Variants in OXR1 observed in about 807,000 individuals in gnomAD.
The protein encoded by OXR1 is oxidation resistance protein 1.
Under a neutral mutation model 104.6 loss-of-function variants are expected in OXR1, and 41 were observed. The ratio of observed to expected loss-of-function variants is 0.39; its 90% CI spans 0.31 to 0.51. OXR1 has a LOEUF of 0.51. Ranked by LOEUF, OXR1 falls within the 20% of genes least tolerant of loss-of-function variation. The pLI is 0.77. For synonymous variants in OXR1, 348 were observed against 348.4 expected (o/e 1.00, Z 0.01); for missense variants, 955 against 1,031.9 (o/e 0.93, Z 1.02).
At chr8:106,691,472 A>G (rs1372637573) in intron 6 of OXR1, among the ~76,000 whole-genome samples, 1 of 151,920 alleles carries the variant, frequency 6.6e-6, no homozygotes, top group Admixed American at 6.6e-5. Flanking sequence ...TGCTAATCTC[A>G]TATTCTTTTT....
chr8:106,494,090 A>G (rs1811269926), intron 2 of OXR1, among the ~76,000 whole-genome samples: 1 of 152,236 alleles, frequency 6.6e-6, no homozygotes, highest in East Asian at 1.9e-4. Flanking sequence ...TTATTACTAA[A>G]CCCATTTTAC....
chr8:106,467,239 A>G (rs992703691), intron 2 of OXR1, among the ~76,000 whole-genome samples: 8 of 151,930 alleles, frequency 5.3e-5, no homozygotes, highest in Admixed American at 3.3e-4. Context: ...AGCAAACAAC[A>G]AGCAATTATT....
At chr8:106,320,328 A>C (rs1373017835) in intron 1 of OXR1, among the ~76,000 whole-genome samples, 1 of 152,112 alleles carries the variant, frequency 6.6e-6, no homozygotes, top group Non-Finnish European at 1.5e-5. Context: ...CTTGTCGTAG[A>C]CTTAGGTTTC....
At chr8:106,325,535 G>A (rs546299167) in intron 1 of OXR1, among the ~76,000 whole-genome samples, 35 of 152,224 alleles carry the variant, frequency 2.3e-4, no homozygotes, top group African/African-American at 8.4e-4. Flanking sequence ...TATGACCTAG[G>A]GTTGCTGTGA....
chr8:106,371,474 A>T, intron 2 of OXR1, among the ~76,000 whole-genome samples: 1 of 151,656 alleles, frequency 6.6e-6, no homozygotes, highest in Non-Finnish European at 1.5e-5. Context: ...TAGCTCTTTG[A>T]ATTGTGATGT....
At chr8:106,399,812 G>A (rs996100901) in intron 2 of OXR1, among the ~76,000 whole-genome samples, 1 of 152,150 alleles carries the variant, frequency 6.6e-6, no homozygotes, top group East Asian at 1.9e-4. Flanking sequence ...GTAAAGTCAG[G>A]TTTGAACTCA....
chr8:106,523,388 A>G (rs1813400685), intron 3 of OXR1, among the ~76,000 whole-genome samples: 1 of 152,158 alleles, frequency 6.6e-6, no homozygotes, highest in Non-Finnish European at 1.5e-5. Flanking sequence ...CTTGGTGACC[A>G]TTTTAGAATT....
At chr8:106,615,034 T>C (rs1821104040) in intron 3 of OXR1, among the ~76,000 whole-genome samples, 1 of 152,114 alleles carries the variant, frequency 6.6e-6, no homozygotes, top group African/African-American at 2.4e-5. Flanking sequence ...GCTTTAAAAA[T>C]TTGGCTGGGC....
chr8:106,552,384 C>G (rs1197962913), intron 3 of OXR1, among the ~76,000 whole-genome samples: 12 of 151,950 alleles, frequency 7.9e-5, no homozygotes, highest in Admixed American at 7.9e-4. Flanking sequence ...TTGTTCTTGC[C>G]CCCCACCTCT....
At chr8:106,656,982 A>G (rs1443773032) in intron 3 of OXR1, among the ~76,000 whole-genome samples, 1 of 152,122 alleles carries the variant, frequency 6.6e-6, no homozygotes, top group African/African-American at 2.4e-5. Context: ...ATATATTAAT[A>G]TATTGGTGAT....
In OXR1 at chr8:106,706,749, C is replaced by T; in HGVS notation, c.1228C>T (p.His410Tyr). 1 of 1,612,140 alleles carries T rather than the reference C, an allele frequency of 6.2e-7. No homozygotes were observed. The highest frequency in any genetic ancestry group is 8.5e-7 in the Non-Finnish European group (1 of 1,179,578). ...TACAAATGAAGTTGGGACTTTATGTCATAAAACTGATTTAAATAATCTTGA... is the reference window on the plus strand; with the variant it reads ...TACAAATGAAGTTGGGACTTTATGTTATAAAACTGATTTAAATAATCTTGA... ...HSTNEVGTLC[H>Y]KTDLNNLEMA... is the part of the protein sequence containing the mutation. The change falls in exon 9 of 17, where the codon CAT becomes TAT. Residue 410 changes from histidine to tyrosine, a missense_variant. Physicochemically the swap from His to Tyr is moderately conservative, Grantham distance 83. Coordinates refer to ENST00000517566, the MANE Select transcript of OXR1 (RefSeq NM_001198533.2).
chr8:106,446,201 T>C (rs568515883), intron 2 of OXR1, among the ~76,000 whole-genome samples: 2 of 152,334 alleles, frequency 1.3e-5, no homozygotes, highest in South Asian at 4.1e-4. Flanking sequence ...CAAATAAACT[T>C]GTAGTCTAAG....
chr8:106,281,313 G>A (rs1205097499), intron 1 of OXR1, among the ~76,000 whole-genome samples: 2 of 152,112 alleles, frequency 1.3e-5, no homozygotes, highest in Non-Finnish European at 2.9e-5. Flanking sequence ...TAACCCAGAT[G>A]TCTGTCAGTT....
chr8:106,547,234 C>T (rs1012508906), intron 3 of OXR1, among the ~76,000 whole-genome samples: 1 of 152,164 alleles, frequency 6.6e-6, no homozygotes, highest in Non-Finnish European at 1.5e-5. Flanking sequence ...ATGAAGTACA[C>T]ATCGCCACCA....
intron 3 of OXR1, chr8:106,657,747 A>C (rs957520162): frequency 2.2e-6 from 2 of 905,200 alleles, no homozygotes; most frequent in African/African-American, 3.4e-5. Context: ...TTTAGAAGCC[A>C]CAAGAAAAAC....
At chr8:106,534,210 G>A (rs1563587050) in intron 3 of OXR1, among the ~76,000 whole-genome samples, 1 of 152,190 alleles carries the variant, frequency 6.6e-6, no homozygotes. Flanking sequence ...TGCTGATGCT[G>A]CCAATCCTGG....
intron 3 of OXR1, among the ~76,000 whole-genome samples, chr8:106,575,165 C>T (rs771066965): frequency 6.6e-6 from 1 of 152,002 alleles, no homozygotes; most frequent in Non-Finnish European, 1.5e-5. Flanking sequence ...TTAGAGTTTC[C>T]AGTCTTTATT....
At chr8:106,743,090 T>C (rs1009185270) in intron 15 of OXR1, among the ~76,000 whole-genome samples, 27 of 151,888 alleles carry the variant, frequency 1.8e-4, no homozygotes, top group Non-Finnish European at 3.4e-4. Flanking sequence ...CTTAAGCAAA[T>C]TTGCAAGAAA....
intron 2 of OXR1, among the ~76,000 whole-genome samples, chr8:106,410,496 C>G (rs1280556444): frequency 6.6e-6 from 1 of 152,112 alleles, no homozygotes; most frequent in Non-Finnish European, 1.5e-5. Flanking sequence ...AACCTGGAAC[C>G]TTCTTTCAAA....
Sources: allele counts gnomAD v4.1 joint callset (sites outside exome capture counted in the v4.1 genomes callset), GRCh38; gene constraint gnomAD v4.1.1; transcripts MANE v1.5; gene names NCBI Gene and HGNC (gene_info 2026-07-23, HGNC 2026-07-21).